The following ADGRL2 variants were observed in gnomAD, a reference collection of about 807,000 sequenced individuals.
ADGRL2 encodes adhesion G protein-coupled receptor L2.
In ADGRL2, 44 loss-of-function variants were observed where a neutral mutation model predicts 157.4. The ratio of observed to expected loss-of-function variants is 0.28; its 90% CI spans 0.22 to 0.36. ADGRL2 has a LOEUF of 0.36. ADGRL2 is among the 10% of genes least tolerant of loss of function. The pLI, the probability that ADGRL2 is intolerant of heterozygous loss-of-function variation, is 1.00. For synonymous variants in ADGRL2, 585 were observed against 624.7 expected, an observed-to-expected ratio of 0.94 and a Z score of 0.95; for missense variants, 1,510 against 1,768.9, an observed-to-expected ratio of 0.85 and a Z score of 2.63.
At chr1:81,897,157 G>A in intron 2 of ADGRL2, among the ~76,000 whole-genome samples, 1 of 152,130 alleles carries the variant, frequency 6.6e-6, no homozygotes, top group East Asian at 1.9e-4. Flanking sequence ...TTCAAGACCT[G>A]GTGTCTTGAA....
intron 1 of ADGRL2, among the ~76,000 whole-genome samples, chr1:81,726,300 C>T (rs1057354429): frequency 3.3e-5 from 5 of 152,108 alleles, no homozygotes; most frequent in East Asian, 1.9e-4. Context: ...CTCATCCCTG[C>T]GGCCAGTCAC....
chr1:81,313,757 G>A (rs1057085768), intron 1 of ADGRL2, among the ~76,000 whole-genome samples: 3 of 152,102 alleles, frequency 2.0e-5, no homozygotes, highest in African/African-American at 7.2e-5. Flanking sequence ...AAAATCAAGA[G>A]GGTATTTCAC....
intron 1 of ADGRL2, among the ~76,000 whole-genome samples, chr1:81,826,512 A>G (rs1447777051): frequency 1.3e-5 from 2 of 152,212 alleles, no homozygotes; most frequent in Non-Finnish European, 2.9e-5. Flanking sequence ...TAGACTGTAA[A>G]AATGCTACTG....
Position 81,950,541 on chromosome 1 carries a change from A to G in ADGRL2, c.1504+59A>G, listed in dbSNP as rs547441896. On this transcript the variant is annotated intron_variant, in intron 7 of 23. Transcript: ENST00000686636. Reference sequence around the variant, plus strand: ...CAATTTAGTAAGTAGGTTCTGTATTACAGTGAAGTGATTTTATTCAAAGAA... The same window carrying G: ...CAATTTAGTAAGTAGGTTCTGTATTGCAGTGAAGTGATTTTATTCAAAGAA... The G allele has an allele frequency of 1.9e-4, 268 of 1,407,626 alleles. 1 individual carries two copies. The African/African-American group carries it at 3.0e-3, about 16-fold the overall frequency. The allele number at this position is 1,407,626 out of a possible 1,614,324, so 87.2% of individuals were successfully genotyped here.
At chr1:81,363,728 TAAAG>T (rs1333510941) in intron 1 of ADGRL2, among the ~76,000 whole-genome samples, 1 of 152,160 alleles carries the variant, frequency 6.6e-6, no homozygotes, top group Non-Finnish European at 1.5e-5. Context: ...TTTTTCCTAA[TAAAG>T]AAAGGGAACT....
In ADGRL2 at chr1:81,964,601, A is replaced by G. The variant is rs140010116; in HGVS notation, c.2018-1457A>G. Among the ~76,000 whole-genome samples the G allele has an allele frequency of 3.3e-5, 5 of 152,280 alleles. No homozygotes were observed. In the East Asian group the frequency reaches 9.6e-4, roughly 29 times the overall value. The stretch of plus-strand genomic sequence containing the variant: ...AATGTTATTATATTTACACCTAAAT[A>G]TAGATGTATTTTACAAAACAGAGTT... On this transcript the variant is annotated intron_variant, in intron 11 of 23. Coordinates refer to ENST00000686636, the MANE Select transcript of ADGRL2 (RefSeq NM_001366006.2).
At chr1:81,352,932 C>T (rs931408872) in intron 1 of ADGRL2, among the ~76,000 whole-genome samples, 2 of 151,950 alleles carry the variant, frequency 1.3e-5, no homozygotes, top group East Asian at 3.9e-4. Flanking sequence ...GATAGAAAAA[C>T]AAAACAATTT....
At chr1:81,453,672 T>C (rs138509447) in intron 2 of ADGRL2, among the ~76,000 whole-genome samples, 242 of 152,304 alleles carry the variant, frequency 1.6e-3, no homozygotes, top group Non-Finnish European at 3.0e-3. Flanking sequence ...AATGGTTTAG[T>C]GGACTGGTGA....
chr1:81,656,712 T>C (rs2082541060), intron 3 of ADGRL2, among the ~76,000 whole-genome samples: 1 of 152,086 alleles, frequency 6.6e-6, no homozygotes, highest in Non-Finnish European at 1.5e-5. Context: ...CCATATATGA[T>C]TTTAAAAATA....
intron 3 of ADGRL2, among the ~76,000 whole-genome samples, chr1:81,928,998 C>T (rs1041950154): frequency 6.6e-6 from 1 of 151,960 alleles, no homozygotes; most frequent in African/African-American, 2.4e-5. Context: ...CAATCTTCAT[C>T]GAAGATGCAG....
intron 1 of ADGRL2, among the ~76,000 whole-genome samples, chr1:81,409,789 A>G (rs916246887): frequency 5.3e-5 from 8 of 152,206 alleles, no homozygotes; most frequent in African/African-American, 1.9e-4. Context: ...GAAGTGTGCA[A>G]TTTGTTAGCA....
At chr1:81,311,056 A>T (rs1325346916) in intron 1 of ADGRL2, among the ~76,000 whole-genome samples, 1 of 152,078 alleles carries the variant, frequency 6.6e-6, no homozygotes, top group East Asian at 1.9e-4. Context: ...AAACCAAGGG[A>T]TTTTTCTCAC....
intron 2 of ADGRL2, among the ~76,000 whole-genome samples, chr1:81,792,725 AT>A (rs2087408881): frequency 6.6e-6 from 1 of 152,104 alleles, no homozygotes; most frequent in South Asian, 2.1e-4. Context: ...TTATATCAAC[AT>A]TTCCTGTCTG....
At chr1:81,649,532 A>C (rs1006199137) in intron 3 of ADGRL2, among the ~76,000 whole-genome samples, 18 of 152,140 alleles carry the variant, frequency 1.2e-4, no homozygotes, top group African/African-American at 4.1e-4. Flanking sequence ...GTTGATTTCC[A>C]TCTCCATTTC....
At chr1:81,976,046 A>T (rs947926824) in intron 17 of ADGRL2, among the ~76,000 whole-genome samples, 1 of 152,078 alleles carries the variant, frequency 6.6e-6, no homozygotes. Context: ...CCACATTTTT[A>T]AAAATGTATC....
chr1:81,566,371 T>C (rs1301688400), intron 2 of ADGRL2, among the ~76,000 whole-genome samples: 1 of 152,168 alleles, frequency 6.6e-6, no homozygotes, highest in Non-Finnish European at 1.5e-5. Context: ...GTTCATAATC[T>C]TATAGTAGTC....
At chr1:81,614,516 A>G (rs901676553) in intron 3 of ADGRL2, among the ~76,000 whole-genome samples, 7 of 152,160 alleles carry the variant, frequency 4.6e-5, no homozygotes, top group African/African-American at 1.7e-4. Flanking sequence ...CAGTGGTCCA[A>G]AGATTTTTTT....
Position 81,721,600 on chromosome 1 carries a change from A to C in ADGRL2, c.-143+21792A>C, listed in dbSNP as rs1452348827. On this transcript the variant is annotated intron_variant, in intron 1 of 20. Transcript: ENST00000359929. ...GCAAACCCCAGTTTCTACCAAAAAA[A>C]TACAAAAATTGCTTCTGTGCGGTCA... The C allele has an allele frequency of 4.3e-5, 24 of 557,554 alleles. No homozygotes were observed. The Admixed American group carries it at 4.6e-4, about 11-fold the overall frequency. The allele number at this position is 557,554 out of a possible 1,614,324, so 34.5% of individuals were successfully genotyped here. A position where few individuals can be genotyped will look rare whatever the true frequency, so the allele number is the denominator to read the frequency against.
chr1:81,710,777 A>G (rs1022405745), intron 1 of ADGRL2, among the ~76,000 whole-genome samples: 1 of 150,884 alleles, frequency 6.6e-6, no homozygotes, highest in Non-Finnish European at 1.5e-5. Context: ...GATGCAAAAA[A>G]AGGAAGAATA....
Sources: allele counts gnomAD v4.1 joint callset (sites outside exome capture counted in the v4.1 genomes callset), GRCh38; gene constraint gnomAD v4.1.1; transcripts MANE v1.5; gene names NCBI Gene and HGNC (gene_info 2026-07-23, HGNC 2026-07-21).